C4orf51: variants seen among roughly 807,000 people sequenced by gnomAD.
C4orf51 encodes the protein chromosome 4 open reading frame 51, also known as uncharacterized protein C4orf51.
C4orf51 carries 25 observed loss-of-function variants against 25.2 expected under a neutral mutation model. The observed-to-expected ratio is 0.99, with a 90% confidence interval of 0.72 to 1.39. The LOEUF is 1.39. Among genes scored for constraint, C4orf51 ranks in the 40% most tolerant of loss-of-function variants. C4orf51 has a pLI of 0.00. For synonymous variants in C4orf51, 100 were observed against 84.5 expected (o/e 1.18, Z -1.01); for missense variants, 252 against 239.6 (o/e 1.05, Z -0.34).
At chr4:145,715,401 T>C (rs1052700938) in intron 2 of C4orf51, among the ~76,000 whole-genome samples, 2 of 152,156 alleles carry the variant, frequency 1.3e-5, no homozygotes, top group African/African-American at 4.8e-5. Flanking sequence ...CTCGCACAGC[T>C]AGAGGAGCCA....
rs1056374240 is a variant in C4orf51, at chr4:145,763,904, T to G, written n.167-7084T>G. Among the ~76,000 whole-genome samples the G allele has an allele frequency of 6.6e-6, 1 of 151,390 alleles. No individual in the cohort carries two copies. Among genetic ancestry groups the G allele is most frequent in the Non-Finnish European group, 1.5e-5 (1 of 67,854 alleles). ...ACGAAATGGAGTTCAACGGAGGTCC[T>G]GTTGTTCCCTGACTCTTCTATGTGG... On this transcript the variant is annotated intron_variant and non_coding_transcript_variant, in intron 1 of 1. Coordinates refer to the C4orf51 transcript ENST00000510096. This position sits in a 1 kb window ranked among gnomAD's most constrained non-coding sequence, Gnocchi z 4.6.
intron 1 of C4orf51, among the ~76,000 whole-genome samples, chr4:145,691,060 C>G (rs1383596573): frequency 6.6e-6 from 1 of 151,830 alleles, no homozygotes; most frequent in African/African-American, 2.4e-5. Context: ...CTATAGTGAG[C>G]TATGATCATG....
intron 2 of C4orf51, among the ~76,000 whole-genome samples, chr4:145,721,344 C>CAAAA (rs11299166): frequency 9.3e-6 from 1 of 107,380 alleles, no homozygotes; most frequent in Non-Finnish European, 2.0e-5. Context: ...GACTCTGTCT[C>CAAAA]AAAAAAAAAA....
chr4:145,724,141 T>A (rs1195507470), intron 2 of C4orf51, among the ~76,000 whole-genome samples: 1 of 152,240 alleles, frequency 6.6e-6, no homozygotes, highest in East Asian at 1.9e-4. Flanking sequence ...TCATATCACT[T>A]ACTAATTAAT....
chr4:145,791,928 A>G, the C4orf51 span, among the ~76,000 whole-genome samples: 4 of 152,242 alleles, frequency 2.6e-5, no homozygotes, highest in African/African-American at 9.6e-5. Context: ...AGGATGCCCA[A>G]CTAGGAAGCG....
At position 145,729,469 on chromosome 4, in the gene C4orf51, T is replaced by TTTTG. The variant is rs557251702; in HGVS notation, c.427+243_427+244insGTTT. ...GGCGCCCGCCACCACACCCGGCTAATTTTTTGTATTTTTAGTAGAGACGGG... is the reference window on the plus strand; with the variant it reads ...GGCGCCCGCCACCACACCCGGCTAATTTTGTTTTTGTATTTTTAGTAGAGACGGG... On this transcript the variant is annotated intron_variant, in intron 4 of 5. Transcript: ENST00000438731. Among the ~76,000 whole-genome samples the TTTTG allele has an allele frequency of 6.7e-3, 1,013 of 151,448 alleles. 12 individuals carry two copies. The highest frequency in any genetic ancestry group is 0.024 in the African/African-American group (966 of 40,972).
chr4:145,709,484 G>A (rs1201517996), intron 2 of C4orf51, among the ~76,000 whole-genome samples: 5 of 152,208 alleles, frequency 3.3e-5, no homozygotes, highest in Non-Finnish European at 7.3e-5. Context: ...TACCTGCAAG[G>A]AAGCCCATGT....
At chr4:145,776,612 T>TTG in the C4orf51 span, among the ~76,000 whole-genome samples, 9,869 of 151,116 alleles carry the variant, frequency 0.065, 455 homozygotes, top group Middle Eastern at 0.12. Context: ...GCATGTCTGT[T>TTG]TGTGTGTGTG....
chr4:145,785,968 GT>G, the C4orf51 span, among the ~76,000 whole-genome samples: 2 of 152,298 alleles, frequency 1.3e-5, no homozygotes, highest in South Asian at 4.1e-4. Flanking sequence ...GTTAGAAAGT[GT>G]AATATGTCAA....
chr4:145,692,953 G>GTTTTTTTTTTTTTTTTTTTTTTTTT (rs202227019), intron 1 of C4orf51, among the ~76,000 whole-genome samples: 4 of 100,994 alleles, frequency 4.0e-5, no homozygotes, highest in Non-Finnish European at 8.0e-5. Flanking sequence ...TAAGTTTTTA[G>GTTTTTTTTTTTTTTTTTTTTTTTTT]TTTTTTTTTT....
chr4:145,782,505 C>T, the C4orf51 span, among the ~76,000 whole-genome samples: 1 of 152,180 alleles, frequency 6.6e-6, no homozygotes. Context: ...CAATCAGTCA[C>T]CAGAAGCTGG....
intron 1 of C4orf51, among the ~76,000 whole-genome samples, chr4:145,683,496 T>G (rs919091949): frequency 2.0e-5 from 3 of 152,224 alleles, no homozygotes; most frequent in Admixed American, 2.0e-4. Flanking sequence ...TACCCAACTT[T>G]AATGCTCACT....
chr4:145,704,381 G>T (rs547876454), intron 2 of C4orf51, among the ~76,000 whole-genome samples: 3 of 152,166 alleles, frequency 2.0e-5, no homozygotes, highest in African/African-American at 7.2e-5. Flanking sequence ...ACTTAGAATA[G>T]CTTCACAAGG....
intron 1 of C4orf51, among the ~76,000 whole-genome samples, chr4:145,751,539 A>G (rs1330978483): frequency 6.6e-6 from 1 of 152,162 alleles, no homozygotes; most frequent in Non-Finnish European, 1.5e-5. Flanking sequence ...AGAGTGACAT[A>G]AGCAACCCAT....
intron 2 of C4orf51, among the ~76,000 whole-genome samples, chr4:145,710,506 A>C (rs1329061724): frequency 6.6e-6 from 1 of 152,080 alleles, no homozygotes; most frequent in Non-Finnish European, 1.5e-5. Flanking sequence ...TGTGTACTGG[A>C]TTGTACACAT....
intron 2 of C4orf51, among the ~76,000 whole-genome samples, chr4:145,725,536 C>T (rs1002974097): frequency 1.3e-5 from 2 of 152,088 alleles, no homozygotes; most frequent in African/African-American, 4.8e-5. Context: ...ACCCTAATGT[C>T]TGTTACCTGG....
At chr4:145,689,183 T>A (rs976439020) in intron 1 of C4orf51, among the ~76,000 whole-genome samples, 2 of 152,088 alleles carry the variant, frequency 1.3e-5, no homozygotes, top group Non-Finnish European at 2.9e-5. Flanking sequence ...GATGACAATA[T>A]GGAGAATATC....
At chr4:145,690,329 C>G (rs530786609) in intron 1 of C4orf51, among the ~76,000 whole-genome samples, 40 of 151,694 alleles carry the variant, frequency 2.6e-4, no homozygotes, top group African/African-American at 9.7e-4. Context: ...CATGGTGAAA[C>G]CTCGTCTCTA....
At chr4:145,785,491 G>T in the C4orf51 span, among the ~76,000 whole-genome samples, 1 of 152,084 alleles carries the variant, frequency 6.6e-6, no homozygotes, top group African/African-American at 2.4e-5. Flanking sequence ...TTTTCAGGAG[G>T]ATAAAAATGA....
Sources: gnomAD v4.1 joint callset for allele counts (sites outside exome capture counted in the v4.1 genomes callset) on GRCh38, gnomAD v4.1.1 for gene constraint, Gnocchi (gnomAD v3.1) non-coding constraint, MANE v1.5 for transcripts, NCBI Gene and HGNC (gene_info 2026-07-23, HGNC 2026-07-21) for gene names.